Variants in CD226 observed in about 807,000 individuals in gnomAD.
CD226 encodes the protein CD226 antigen.
A neutral mutation model predicts 34.9 loss-of-function variants in CD226; 24 were observed. The observed-to-expected ratio is 0.69, with a 90% confidence interval of 0.50 to 0.97. CD226 has a LOEUF of 0.97. Ranked by LOEUF, CD226 falls within the 50% of genes least tolerant of loss-of-function variation. The pLI is 0.00. For synonymous variants in CD226, 148 were observed against 147.4 expected, an observed-to-expected ratio of 1.00 and a Z score of -0.03; for missense variants, 397 against 412.7, an observed-to-expected ratio of 0.96 and a Z score of 0.33.
At chr18:69,945,110 C>T (rs1217921906) in intron 2 of CD226, among the ~76,000 whole-genome samples, 1 of 152,158 alleles carries the variant, frequency 6.6e-6, no homozygotes, top group African/African-American at 2.4e-5. Flanking sequence ...TTGAGAGACA[C>T]CACACAAGAA....
upstream of CD226, among the ~76,000 whole-genome samples, chr18:69,949,773 C>CAT (rs1050773918): frequency 6.2e-4 from 94 of 152,118 alleles, no homozygotes; most frequent in African/African-American, 2.2e-3. Context: ...CCCACACACA[C>CAT]ATGCTCACAG....
intron 2 of CD226, among the ~76,000 whole-genome samples, chr18:69,923,258 A>G (rs1040729225): frequency 1.3e-5 from 2 of 152,140 alleles, no homozygotes; most frequent in African/African-American, 4.8e-5. Flanking sequence ...AGAAGGAAGG[A>G]AAGAAAATCT....
upstream of CD226, among the ~76,000 whole-genome samples, chr18:69,960,278 A>G (rs1330481517): frequency 6.6e-6 from 1 of 151,788 alleles, no homozygotes; most frequent in Non-Finnish European, 1.5e-5. Flanking sequence ...AAGAAAATAA[A>G]AAGAATACAG....
chr18:69,886,818 T>C (rs1442880747), intron 3 of CD226, among the ~76,000 whole-genome samples: 1 of 152,148 alleles, frequency 6.6e-6, no homozygotes, highest in African/African-American at 2.4e-5. Context: ...GTGTTATAAA[T>C]GTTGTACAGA....
At chr18:69,867,472 G>A (rs62090790) in intron 4 of CD226, 61 bp from the exon 5 acceptor site, 29,911 of 1,088,650 alleles carry the variant, frequency 0.027, 511 homozygotes, top group Non-Finnish European at 0.031. Flanking sequence ...ATATTATTTC[G>A]AAGACTCTAT....
intron 5 of CD226, among the ~76,000 whole-genome samples, chr18:69,866,834 G>GAC (rs899270214): frequency 6.6e-6 from 1 of 151,914 alleles, no homozygotes; most frequent in African/African-American, 2.4e-5. Context: ...AAGGAAGGCA[G>GAC]ACACACACAC....
chr18:69,951,857 A>G (rs2055856989), upstream of CD226, among the ~76,000 whole-genome samples: 1 of 152,224 alleles, frequency 6.6e-6, no homozygotes, highest in South Asian at 2.1e-4. Context: ...TCTATGGAAA[A>G]TAGTATGGCA....
chr18:69,878,056 G>T (rs77518555), intron 3 of CD226, among the ~76,000 whole-genome samples: 8 of 152,110 alleles, frequency 5.3e-5, no homozygotes, highest in Non-Finnish European at 1.2e-4. Flanking sequence ...AAATGGGTAC[G>T]GATGCTTTGG....
intron 2 of CD226, among the ~76,000 whole-genome samples, chr18:69,909,453 A>G (rs889976755): frequency 1.2e-4 from 18 of 152,224 alleles, no homozygotes; most frequent in African/African-American, 4.3e-4. Flanking sequence ...AAAGAGCTCC[A>G]GGTGCTTTTC....
At chr18:69,950,942 T>C (rs1429415112), upstream of CD226, among the ~76,000 whole-genome samples, 3 of 150,802 alleles carry the variant, frequency 2.0e-5, no homozygotes, top group Non-Finnish European at 4.4e-5. Flanking sequence ...TTATGACAAA[T>C]AGAAGCTATT....
chr18:69,946,857 C>A lies in CD226; in HGVS notation c.259G>T (p.Ala87Ser). ...ERVYFLNSTM[A>S]SNNMTLFFRN... is the part of the protein sequence containing the mutation. The stretch of plus-strand genomic sequence containing the variant: ...AAGAAAAGAGTCATGTTATTGGAAG[C>A]CATCGTTGAATTCAAAAAGTAAACC... Residue 87 changes from alanine (A) to serine (S), a missense_variant, in exon 2 of 6, where the codon GCT becomes TCT. Physicochemically the swap from Ala to Ser is moderately conservative, Grantham distance 99. Coordinates refer to ENST00000582621, the MANE Select transcript of CD226 (RefSeq NM_001303618.2). 1 of 1,614,100 alleles carries A rather than the reference C, an allele frequency of 6.2e-7. No individual in the cohort carries two copies.
At chr18:69,918,580 C>T (rs543715485) in intron 2 of CD226, among the ~76,000 whole-genome samples, 2 of 152,176 alleles carry the variant, frequency 1.3e-5, no homozygotes, top group South Asian at 2.1e-4. Flanking sequence ...AATTAAAAAG[C>T]AGCTATTAAG....
chr18:69,958,653 C>G (rs1176227262), upstream of CD226, among the ~76,000 whole-genome samples: 1 of 152,074 alleles, frequency 6.6e-6, no homozygotes, highest in African/African-American at 2.4e-5. Flanking sequence ...GTAGCTGCTG[C>G]TCATACCTAC....
chr18:69,890,586 G>C (rs1481411940), intron 3 of CD226, among the ~76,000 whole-genome samples: 2 of 152,158 alleles, frequency 1.3e-5, no homozygotes, highest in Non-Finnish European at 2.9e-5. Flanking sequence ...AGTTTGGTCT[G>C]ATGTGGAAAA....
chr18:69,943,522 A>C (rs977150039), intron 2 of CD226, among the ~76,000 whole-genome samples: 1 of 152,270 alleles, frequency 6.6e-6, no homozygotes, highest in Non-Finnish European at 1.5e-5. Context: ...TTGTATTAGT[A>C]GTACCATTTA....
In CD226 at chr18:69,855,944, G is replaced by T. The variant is rs1173027693; in HGVS notation, c.*8370C>A. ...ATATGATCATTACATATTGTATACA[G>T]GTATCAAAACATCACATGTACCCCC... On this transcript the variant is annotated 3_prime_UTR_variant, in exon 6 of 6. Transcript: ENST00000582621. 2.0e-5 allele frequency: 3 copies of T among 152,050 alleles called. No individual in the cohort carries two copies. The highest frequency in any genetic ancestry group is 3.9e-4 in the East Asian group (2 of 5,182). 9.4% of individuals were successfully genotyped at this position (152,050 alleles called of 1,614,324 possible).
intron 2 of CD226, 49 bp downstream of exon 2, chr18:69,946,685 T>C (rs767047084): frequency 8.2e-7 from 1 of 1,216,658 alleles, no homozygotes; most frequent in Non-Finnish European, 1.2e-6. Context: ...GAAATAAATG[T>C]TGTAAGTGGA....
At chr18:69,923,247 G>A (rs2055475943) in intron 2 of CD226, among the ~76,000 whole-genome samples, 1 of 151,856 alleles carries the variant, frequency 6.6e-6, no homozygotes, top group African/African-American at 2.4e-5. Context: ...AAGAGAGAGA[G>A]AGAAGGAAGG....
chr18:69,931,650 C>T (rs1180655296), intron 2 of CD226, among the ~76,000 whole-genome samples: 1 of 152,148 alleles, frequency 6.6e-6, no homozygotes, highest in African/African-American at 2.4e-5. Flanking sequence ...AATTTCTGAG[C>T]CAAAGCTCTG....
Sources: gnomAD v4.1 joint callset for allele counts (sites outside exome capture counted in the v4.1 genomes callset) on GRCh38, gnomAD v4.1.1 for gene constraint, MANE v1.5 for transcripts, NCBI Gene and HGNC (gene_info 2026-07-23, HGNC 2026-07-21) for gene names.